VPS54: variants seen among roughly 807,000 people sequenced by gnomAD.
VPS54 encodes vacuolar protein sorting-associated protein 54.
VPS54 carries 45 observed loss-of-function variants against 121.5 expected under a neutral mutation model. That is an observed-to-expected ratio of 0.37 (90% CI 0.29 to 0.47). The LOEUF is 0.47. Among genes scored for constraint, VPS54 ranks in the 20% least tolerant of loss-of-function variants. The pLI is 0.99. For missense variants in VPS54, 1,090 were observed against 1,131.4 expected, an observed-to-expected ratio of 0.96 and a Z score of 0.52; for synonymous variants, 371 against 385.8, an observed-to-expected ratio of 0.96 and a Z score of 0.45.
intron 1 of VPS54, among the ~76,000 whole-genome samples, chr2:64,018,575 G>A (rs931070351): frequency 6.6e-6 from 1 of 152,026 alleles, no homozygotes; most frequent in Non-Finnish European, 1.5e-5. Flanking sequence ...AGGACTAAGG[G>A]CCTGGCTGGA....
intron 1 of VPS54, among the ~76,000 whole-genome samples, chr2:64,008,435 G>T (rs1019512575): frequency 6.7e-6 from 1 of 149,920 alleles, no homozygotes; most frequent in Non-Finnish European, 1.5e-5. Context: ...AAAGGAACAA[G>T]TAAGTGGTGG....
intron 14 of VPS54, 140 bp from the exon 15 acceptor site, chr2:63,920,135 C>T (rs1193753243): frequency 1.6e-6 from 1 of 614,276 alleles, no homozygotes; most frequent in Non-Finnish European, 2.7e-6. Flanking sequence ...AGGACCAATA[C>T]TTAGAAAATA....
Position 63,933,974 on chromosome 2 carries a change from G to C in VPS54, c.1438C>G (p.Leu480Val). ...NIIHSVVLSVLDKNQRTRELE... is the reference protein window; with the variant it reads ...NIIHSVVLSVVDKNQRTRELE... Reference sequence around the variant, plus strand: ...TCTCTAGTCCTTTGGTTTTTGTCAAGAACTGAGAGAACAACACTGTGAATG... The same window carrying C: ...TCTCTAGTCCTTTGGTTTTTGTCAACAACTGAGAGAACAACACTGTGAATG... The change falls in exon 12 of 23, where the codon CTT becomes GTT. Residue 480 changes from leucine (L) to valine (V), a missense_variant. Transcript: ENST00000272322. The C allele has an allele frequency of 1.2e-6, 2 of 1,613,346 alleles. No homozygotes were observed. The highest frequency in any genetic ancestry group is 1.7e-6 in the Non-Finnish European group (2 of 1,179,660).
At chr2:63,946,775 A>C (rs561482595) in intron 9 of VPS54, among the ~76,000 whole-genome samples, 1 of 152,246 alleles carries the variant, frequency 6.6e-6, no homozygotes, top group Admixed American at 6.5e-5. Flanking sequence ...TAGGATAAAA[A>C]GGAAATGAAC....
At chr2:63,909,485 G>A (rs1218601879) in intron 20 of VPS54, among the ~76,000 whole-genome samples, 2 of 128,626 alleles carry the variant, frequency 1.6e-5, no homozygotes, top group Admixed American at 1.9e-4. Flanking sequence ...GCAGTGGCGT[G>A]ATCTTGGCTC....
intron 20 of VPS54, among the ~76,000 whole-genome samples, chr2:63,911,014 A>G (rs1673126261): frequency 6.6e-6 from 1 of 152,108 alleles, no homozygotes; most frequent in African/African-American, 2.4e-5. Flanking sequence ...ACTCAAGCAT[A>G]GTTCCACTAT....
rs796288446 is a variant in VPS54 at position 64,005,422 on chromosome 2, G to A, written c.-21+13516C>T. ...CCAGCCTACTATTGCTTCTTAATAC[G>A]AATCTAGTAACTACCTTATAGGCAA... On this transcript the variant is annotated intron_variant, in intron 1 of 22. Coordinates refer to ENST00000272322, the MANE Select transcript of VPS54 (RefSeq NM_016516.3). Among the ~76,000 whole-genome samples the A allele has an allele frequency of 9.2e-5, 14 of 152,156 alleles. 1 individual carries two copies. Among genetic ancestry groups the A allele is most frequent in the East Asian group, 1.9e-4 (1 of 5,172 alleles).
chr2:63,974,861 A>G, intron 3 of VPS54: 1 of 1,078,002 alleles, frequency 9.3e-7, no homozygotes. Flanking sequence ...CACATAGACG[A>G]TCATTTCATC....
chr2:63,919,733 AC>A, intron 15 of VPS54, 149 bp downstream of exon 15: 1 of 512,940 alleles, frequency 1.9e-6, no homozygotes, highest in South Asian at 3.0e-5. Context: ...ATTATAAATT[AC>A]CATAGTTTTC....
At chr2:63,997,873 CAT>C (rs920318466) in intron 1 of VPS54, among the ~76,000 whole-genome samples, 2 of 151,948 alleles carry the variant, frequency 1.3e-5, no homozygotes, top group African/African-American at 2.4e-5. Flanking sequence ...GCTGTATCCT[CAT>C]AGATTTTGGT....
At chr2:63,939,898 C>A (rs1479102463) in intron 11 of VPS54, among the ~76,000 whole-genome samples, 2 of 151,958 alleles carry the variant, frequency 1.3e-5, no homozygotes, top group African/African-American at 4.8e-5. Flanking sequence ...GTAGCTGGGA[C>A]AAACATGCAC....
chr2:63,944,448 G>A, intron 10 of VPS54, 152 bp downstream of exon 10: 2 of 756,640 alleles, frequency 2.6e-6, no homozygotes, highest in South Asian at 1.7e-5. Context: ...GTTAAGCACT[G>A]TCTTCGTTCC....
chr2:63,978,696 T>A (rs1676660316), intron 3 of VPS54, among the ~76,000 whole-genome samples: 1 of 152,186 alleles, frequency 6.6e-6, no homozygotes, highest in Admixed American at 6.5e-5. Flanking sequence ...CTCAGCTCAC[T>A]GAAACCTCCA....
At chr2:63,950,204 G>A (rs529142719) in intron 7 of VPS54, among the ~76,000 whole-genome samples, 1 of 152,026 alleles carries the variant, frequency 6.6e-6, no homozygotes, top group Admixed American at 6.6e-5. Flanking sequence ...TTATTGTTTC[G>A]GGCTTTATGG....
chr2:63,900,481 G>T (rs962008210), intron 20 of VPS54, among the ~76,000 whole-genome samples: 3 of 152,042 alleles, frequency 2.0e-5, no homozygotes, highest in African/African-American at 7.2e-5. Flanking sequence ...TTATATTTTA[G>T]AATTCACACA....
At chr2:63,921,462 C>T in intron 12 of VPS54, 127 bp from the exon 13 acceptor site, 3 of 935,146 alleles carry the variant, frequency 3.2e-6, no homozygotes, top group Non-Finnish European at 4.7e-6. Flanking sequence ...CTATGATGTA[C>T]CAAATATCTT....
chr2:63,997,949 A>T (rs1261720720), intron 1 of VPS54, among the ~76,000 whole-genome samples: 4 of 152,124 alleles, frequency 2.6e-5, no homozygotes, highest in Non-Finnish European at 4.4e-5. Flanking sequence ...CTCACTGGTC[A>T]TTCAGGAACA....
At chr2:63,952,966 T>C (rs1487022909) in intron 7 of VPS54, among the ~76,000 whole-genome samples, 4 of 152,090 alleles carry the variant, frequency 2.6e-5, no homozygotes, top group Non-Finnish European at 5.9e-5. Flanking sequence ...TGGAGAATGG[T>C]TGAATAAATC....
chr2:64,004,384 C>T (rs1416155085), intron 1 of VPS54, among the ~76,000 whole-genome samples: 2 of 152,082 alleles, frequency 1.3e-5, no homozygotes, highest in Admixed American at 6.5e-5. Context: ...CTCATGGCGC[C>T]TAAGTATTAC....
Sources: gnomAD v4.1 joint callset for allele counts (sites outside exome capture counted in the v4.1 genomes callset) on GRCh38, gnomAD v4.1.1 for gene constraint, MANE v1.5 for transcripts, NCBI Gene and HGNC (gene_info 2026-07-23, HGNC 2026-07-21) for gene names.